Variants in ACSL4 observed in about 807,000 individuals in gnomAD.
The protein encoded by ACSL4 is acyl-CoA synthetase long chain family member 4.
A neutral mutation model predicts 49.1 loss-of-function variants in ACSL4; 9 were observed. The observed-to-expected ratio is 0.18, with a 90% CI of 0.11 to 0.32. The LOEUF (loss-of-function observed/expected upper bound fraction) is 0.32. ACSL4 is among the 10% of genes least tolerant of loss of function. ACSL4 has a pLI of 1.00. For missense variants in ACSL4, 333 were observed against 493.7 expected (o/e 0.67, Z 3.08); for synonymous variants, 191 against 170.3 (o/e 1.12, Z -0.95).
At chrX:109,690,925 C>T (rs985810988) in intron 2 of ACSL4, among the ~76,000 whole-genome samples, 2 of 111,072 alleles carry the variant, frequency 1.8e-5, no homozygotes, top group South Asian at 7.6e-4. Context: ...ATTAGTGATA[C>T]ATTAAGCTCT....
Position 109,641,429 on chromosome X carries a change from A to G in ACSL4, c.*2600T>C, listed in dbSNP as rs1473541322. ...TTCATCAAGAATAAACACAAAATCT[A>G]AACAATTCTGCAATCATGCATTTTA... On this transcript the variant is annotated 3_prime_UTR_variant, in exon 16 of 16. Coordinates refer to ENST00000672401, the MANE Select transcript of ACSL4 (RefSeq NM_001318510.2). 1 of 113,272 alleles carries G rather than the reference A, an allele frequency of 8.8e-6. No individual in the cohort carries two copies. The highest frequency in any genetic ancestry group is 3.2e-5 in the African/African-American group (1 of 31,137). 9.3% of individuals were successfully genotyped at this position (113,272 alleles called of 1,213,427 possible). A position where few individuals can be genotyped will look rare whatever the true frequency, so the allele number is the denominator to read the frequency against.
intron 1 of ACSL4, among the ~76,000 whole-genome samples, chrX:109,722,827 C>G (rs745510950): frequency 9.0e-6 from 1 of 110,894 alleles, no homozygotes; most frequent in South Asian, 3.8e-4. Flanking sequence ...CTGCAAGATG[C>G]TCACAATATA....
At chrX:109,649,317 C>A (rs1283202174) in intron 15 of ACSL4, among the ~76,000 whole-genome samples, 1 of 111,513 alleles carries the variant, frequency 9.0e-6, no homozygotes, top group Non-Finnish European at 1.9e-5. Flanking sequence ...GGTACTGGTA[C>A]CAACACAGAG....
chrX:109,696,873 T>A (rs1382244798), intron 1 of ACSL4, among the ~76,000 whole-genome samples: 1 of 111,011 alleles, frequency 9.0e-6, no homozygotes, highest in Admixed American at 9.6e-5. Flanking sequence ...CAAAACCCCA[T>A]CTCTACTAAA....
At chrX:109,691,236 T>G (rs1603407351) in intron 2 of ACSL4, among the ~76,000 whole-genome samples, 1 of 112,359 alleles carries the variant, frequency 8.9e-6, no homozygotes, top group East Asian at 2.8e-4. Context: ...ATTAACTATA[T>G]AAGTGCTACT....
intron 2 of ACSL4, among the ~76,000 whole-genome samples, chrX:109,687,688 C>A (rs1924723329): frequency 8.9e-6 from 1 of 111,805 alleles, no homozygotes; most frequent in Non-Finnish European, 1.9e-5. Context: ...AACAAACCTG[C>A]ACGTTCTGCA....
chrX:109,669,089 A>G lies in ACSL4; in HGVS notation c.1087T>C (p.Tyr363His), dbSNP rs1028777465. Residue 363 changes from tyrosine (Y) to histidine (H), a missense_variant, in exon 10 of 16, where the codon TAT becomes CAT. Tyr to His is a moderately conservative substitution (Grantham distance 83). This residue lies in a region of ACSL4 where 175 missense variants were observed against 275.8 expected (regional missense o/e 0.63). Coordinates refer to ENST00000672401, the MANE Select transcript of ACSL4 (RefSeq NM_001318510.2). The stretch of plus-strand genomic sequence containing the variant: ...TTGATCTGTTCCAATTTGTAATCAT[A>G]CCCTATCTTGAACAGAGTTTTCTGA... ...YIQKTLFKIG[Y>H]DYKLEQIKKG... The G allele has an allele frequency of 1.7e-6, 2 of 1,189,910 alleles. No individual in the cohort carries two copies. Among genetic ancestry groups the G allele is most frequent in the Non-Finnish European group, 2.3e-6 (2 of 877,954 alleles).
intron 2 of ACSL4, among the ~76,000 whole-genome samples, chrX:109,693,314 G>C (rs1037580340): frequency 1.8e-5 from 2 of 110,958 alleles, no homozygotes; most frequent in African/African-American, 3.3e-5. Flanking sequence ...TCTTAGAAGT[G>C]ATTCTAATTA....
chrX:109,704,050 G>A (rs1926168169), intron 1 of ACSL4, among the ~76,000 whole-genome samples: 1 of 110,533 alleles, frequency 9.0e-6, no homozygotes, highest in African/African-American at 3.3e-5. Context: ...TGGCTTCTGG[G>A]TCATTTTCCC....
At chrX:109,661,170 T>C (rs1249077760) in intron 14 of ACSL4, among the ~76,000 whole-genome samples, 1 of 111,961 alleles carries the variant, frequency 8.9e-6, no homozygotes, top group East Asian at 2.8e-4. Context: ...GCTCAATCTC[T>C]TAGGCTTTTG....
chrX:109,690,947 T>A (rs771038005), intron 2 of ACSL4, among the ~76,000 whole-genome samples: 5 of 111,128 alleles, frequency 4.5e-5, no homozygotes, highest in Non-Finnish European at 9.4e-5. Context: ...GTACACAAAG[T>A]AAACAAACAC....
At chrX:109,646,733 G>A (rs1266953881) in intron 15 of ACSL4, among the ~76,000 whole-genome samples, 1 of 110,952 alleles carries the variant, frequency 9.0e-6, no homozygotes, top group African/African-American at 3.3e-5. Flanking sequence ...TGGCAAATTG[G>A]ATACAGAGTC....
At chrX:109,711,506 T>C (rs897847052) in intron 1 of ACSL4, among the ~76,000 whole-genome samples, 1 of 112,174 alleles carries the variant, frequency 8.9e-6, no homozygotes, top group African/African-American at 3.2e-5. Context: ...GAGGGGATAA[T>C]ATTATTAGTT....
intron 15 of ACSL4, among the ~76,000 whole-genome samples, chrX:109,653,858 T>C (rs755051516): frequency 0.021 from 2,232 of 108,848 alleles, 19 homozygotes; most frequent in Non-Finnish European, 0.034. Context: ...TAATGCTAAA[T>C]GACGAGTTAA....
intron 1 of ACSL4, among the ~76,000 whole-genome samples, chrX:109,722,140 A>G (rs1199169420): frequency 8.9e-6 from 1 of 112,197 alleles, no homozygotes; most frequent in Non-Finnish European, 1.9e-5. Flanking sequence ...AGTAAGTAAC[A>G]AAAACCCTTC....
chrX:109,730,175 T>C (rs1928315861), intron 1 of ACSL4, among the ~76,000 whole-genome samples: 1 of 112,625 alleles, frequency 8.9e-6, no homozygotes, highest in Non-Finnish European at 1.9e-5. Context: ...GATGTTACAC[T>C]ATACTTATGC....
rs1927536437 is a variant in ACSL4 at position 109,721,401 on chromosome X, T to TA, written c.-66+11737dup. 2.7e-5 allele frequency among the ~76,000 whole-genome samples: 3 copies of TA among 111,740 alleles called. No homozygotes were observed. The South Asian group carries it at 1.1e-3, about 41-fold the overall frequency. ...TCATTATTTATAGTATTAAAATACT[T>TA]AAAGTCCACATTAAAGGTAATAAAA... On this transcript the variant is annotated intron_variant, in intron 1 of 15. Coordinates refer to ENST00000672401, the MANE Select transcript of ACSL4 (RefSeq NM_001318510.2).
intron 15 of ACSL4, among the ~76,000 whole-genome samples, chrX:109,646,230 A>G (rs1934688408): frequency 9.0e-6 from 1 of 111,434 alleles, no homozygotes; most frequent in African/African-American, 3.3e-5. Flanking sequence ...CAGATTCACC[A>G]AAGTTGAAAT....
intron 11 of ACSL4, among the ~76,000 whole-genome samples, chrX:109,666,713 G>A (rs1478730189): frequency 2.7e-5 from 3 of 111,713 alleles, no homozygotes; most frequent in East Asian, 2.8e-4. Context: ...TCAGGAGTTC[G>A]AGACCAGCCT....
Sources: allele counts gnomAD v4.1 joint callset (sites outside exome capture counted in the v4.1 genomes callset), GRCh38; gene constraint gnomAD v4.1.1; regional missense constraint gnomAD v4.1.1; transcripts MANE v1.5; gene names NCBI Gene and HGNC (gene_info 2026-07-23, HGNC 2026-07-21).